OAF: variants seen among roughly 807,000 people sequenced by gnomAD.
OAF encodes the protein out at first homolog.
A neutral mutation model predicts 22.5 loss-of-function variants in OAF; 13 were observed. The ratio of observed to expected loss-of-function variants is 0.58; its 90% CI spans 0.38 to 0.92. The LOEUF (loss-of-function observed/expected upper bound fraction) is 0.92. OAF is among the 40% of genes least tolerant of loss of function. The probability of loss-of-function intolerance (pLI) is 0.00; values close to 1 mark genes in which losing one functional copy is unlikely to be tolerated. For synonymous variants in OAF, 175 were observed against 170.5 expected, an observed-to-expected ratio of 1.03 and a Z score of -0.21; for missense variants, 347 against 381.8, an observed-to-expected ratio of 0.91 and a Z score of 0.76.
intron 1 of OAF, among the ~76,000 whole-genome samples, chr11:120,219,205 G>A (rs1320530416): frequency 2.0e-5 from 3 of 152,040 alleles, no homozygotes; most frequent in Admixed American, 6.5e-5. Flanking sequence ...GGAGGAGACA[G>A]GCCCAGATGC....
chr11:120,226,157 G>C (rs1288804854), intron 2 of OAF, among the ~76,000 whole-genome samples: 1 of 152,214 alleles, frequency 6.6e-6, no homozygotes, highest in Non-Finnish European at 1.5e-5. Context: ...CAGGCTAGGG[G>C]CTTGGGCTCT....
Position 120,211,520 on chromosome 11 carries a change from C to T in OAF, c.231+10C>T. 7.0e-7 allele frequency: 1 copy of T among 1,437,182 alleles called. No individual in the cohort carries two copies. The highest frequency in any genetic ancestry group is 9.2e-7 in the Non-Finnish European group (1 of 1,086,176). The allele number at this position is 1,437,182 out of a possible 1,614,324, so 89.0% of individuals were successfully genotyped here. A position where few individuals can be genotyped will look rare whatever the true frequency, so the allele number is the denominator to read the frequency against. On this transcript the variant is annotated intron_variant, in intron 1 of 3. Transcript: ENST00000328965. ...CGCCGACTTCAAGAAGGTGAGGCGC[C>T]CTCACTCGCCGGGGTGGCACCTTCA...
In OAF at chr11:120,211,474, C is replaced by T; in HGVS notation, c.195C>T (p.Asp65=). 1 of 1,506,794 alleles carries T rather than the reference C, an allele frequency of 6.6e-7. No individual in the cohort carries two copies. Among genetic ancestry groups the T allele is most frequent in the Non-Finnish European group, 8.9e-7 (1 of 1,123,264 alleles). The allele number at this position is 1,506,794 out of a possible 1,614,324, so 93.3% of individuals were successfully genotyped here. ...TCAGCCTCGAGCTGCGCAAGCCCGA[C>T]GGCACCCTCGTCTCCTTCACCGCCG... The part of the protein sequence containing the change: ...DSISLELRKP[D]GTLVSFTADF... The change falls in exon 1 of 4, where the codon GAC becomes GAT. Residue 65 remains aspartate (D), a synonymous_variant. Coordinates refer to ENST00000328965, the MANE Select transcript of OAF (RefSeq NM_178507.4).
chr11:120,228,797 C>T lies in OAF; in HGVS notation c.548-71C>T, dbSNP rs563144098. The T allele has an allele frequency of 4.7e-5, 57 of 1,219,530 alleles. 1 individual carries two copies. The Middle Eastern group carries it at 8.4e-4, about 18-fold the overall frequency. The allele number at this position is 1,219,530 out of a possible 1,614,324, so 75.5% of individuals were successfully genotyped here. A position where few individuals can be genotyped will look rare whatever the true frequency, so the allele number is the denominator to read the frequency against. On this transcript the variant is annotated intron_variant, in intron 3 of 3. Transcript: ENST00000328965. ...GAGGAGACCAAGTGGGGAATGGCAG[C>T]GGCCTCTGACTAGGGGAGCTCCTTC...
intron 2 of OAF, 91 bp from the exon 3 acceptor site, chr11:120,226,725 A>G (rs1938361370): frequency 8.1e-7 from 1 of 1,231,374 alleles, no homozygotes; most frequent in Non-Finnish European, 1.1e-6. Flanking sequence ...AAAGGCAGTC[A>G]GCTTGGGCTC....
intron 1 of OAF, among the ~76,000 whole-genome samples, chr11:120,222,772 T>A (rs528513110): frequency 6.6e-6 from 1 of 151,320 alleles, no homozygotes; most frequent in Admixed American, 6.6e-5. Flanking sequence ...ATTAGCTGGG[T>A]GTGGTGGCCC....
chr11:120,218,697 ATGACC>A (rs1938242688), intron 1 of OAF, among the ~76,000 whole-genome samples: 1 of 152,172 alleles, frequency 6.6e-6, no homozygotes, highest in South Asian at 2.1e-4. Context: ...CCCTAGAGCG[ATGACC>A]TGCAGCCTGG....
chr11:120,226,565 C>T (rs1423113771), intron 2 of OAF, among the ~76,000 whole-genome samples: 1 of 152,262 alleles, frequency 6.6e-6, no homozygotes, highest in Admixed American at 6.5e-5. Flanking sequence ...CTCCATCAAG[C>T]CCCAGAGGTC....
rs973368286 is a variant in OAF, at chr11:120,230,193, C to T, written c.*1051C>T. 1 of 152,208 alleles carries T rather than the reference C, an allele frequency of 6.6e-6. No homozygotes were observed. The highest frequency in any genetic ancestry group is 1.5e-5 in the Non-Finnish European group (1 of 68,044). The allele number at this position is 152,208 out of a possible 1,614,324, so 9.4% of individuals were successfully genotyped here. A position where few individuals can be genotyped will look rare whatever the true frequency, so the allele number is the denominator to read the frequency against. On this transcript the variant is annotated 3_prime_UTR_variant, in exon 4 of 4. Transcript: ENST00000328965. The stretch of plus-strand genomic sequence containing the variant: ...TAGTAAGCCAGTCAGAAATAGCCAG[C>T]GCGAAGGCAAGAGATGGGGTGGAGA...
chr11:120,218,102 G>A (rs1673590283), intron 1 of OAF, among the ~76,000 whole-genome samples: 1 of 152,002 alleles, frequency 6.6e-6, no homozygotes, highest in South Asian at 2.1e-4. Flanking sequence ...TCAGGACAGT[G>A]GTGACCTTTG....
At chr11:120,213,970 G>A (rs892278290) in intron 1 of OAF, 2 of 152,214 alleles carry the variant, frequency 1.3e-5, no homozygotes, top group African/African-American at 4.8e-5. Flanking sequence ...ATTCAAGGAG[G>A]CTGAGGCAGG....
At chr11:120,217,121 G>A (rs966204233) in intron 1 of OAF, 1 of 152,262 alleles carries the variant, frequency 6.6e-6, no homozygotes, top group Non-Finnish European at 1.5e-5. Flanking sequence ...TGGTGCAGAG[G>A]AACAAATCCA....
rs765531749 is a variant in OAF, at chr11:120,229,145, T to G, written c.*3T>G. 40 of 1,607,024 alleles carry G rather than the reference T, an allele frequency of 2.5e-5. No individual in the cohort carries two copies. The highest frequency in any genetic ancestry group is 3.0e-5 in the Non-Finnish European group (35 of 1,175,252). On this transcript the variant is annotated 3_prime_UTR_variant, in exon 4 of 4. Transcript: ENST00000328965. The stretch of plus-strand genomic sequence containing the variant: ...ATGAGGATCCCTACCCAGGCTAGGG[T>G]GGGAGCAACCTGGCGGGTGGCTGCT...
At chr11:120,228,825 T>TTCCAA in intron 3 of OAF, 43 bp from the exon 4 acceptor site, 4 of 434,172 alleles carry the variant, frequency 9.2e-6, no homozygotes, top group Non-Finnish European at 1.9e-5. Flanking sequence ...GCTCCTTCCC[T>TTCCAA]CCCTCCCTCC....
At position 120,229,134 on chromosome 11, in the gene OAF, C is replaced by G. The variant is rs1851192780; in HGVS notation, c.814C>G (p.Pro272Ala). 1 of 1,611,498 alleles carries G rather than the reference C, an allele frequency of 6.2e-7. No individual in the cohort carries two copies. Among genetic ancestry groups the G allele is most frequent in the Admixed American group, 1.7e-5 (1 of 59,992 alleles). The part of the protein sequence containing the change: ...QLCLWDEDPY[P>A]G ...GTGTCTCTGGGATGAGGATCCCTACCCAGGCTAGGGTGGGAGCAACCTGGC... is the reference window on the plus strand; with the variant it reads ...GTGTCTCTGGGATGAGGATCCCTACGCAGGCTAGGGTGGGAGCAACCTGGC... The change falls in exon 4 of 4, where the codon CCA (proline) becomes GCA (alanine). Residue 272 changes from proline (P) to alanine (A), a missense_variant. Pro to Ala is a conservative substitution (Grantham distance 27, BLOSUM62 -1). Coordinates refer to ENST00000328965, the MANE Select transcript of OAF (RefSeq NM_178507.4).
At chr11:120,222,893 A>G (rs1303693300) in intron 1 of OAF, among the ~76,000 whole-genome samples, 1 of 148,308 alleles carries the variant, frequency 6.7e-6, no homozygotes, top group African/African-American at 2.5e-5. Flanking sequence ...CCCTGGTGAC[A>G]GAGTGAGACT....
At chr11:120,218,887 A>G (rs936988728) in intron 1 of OAF, among the ~76,000 whole-genome samples, 5 of 152,050 alleles carry the variant, frequency 3.3e-5, no homozygotes, top group African/African-American at 1.2e-4. Context: ...CCAGCTAGGG[A>G]CCGTGATGGG....
chr11:120,218,722 A>G (rs1376219428), intron 1 of OAF, among the ~76,000 whole-genome samples: 1 of 152,192 alleles, frequency 6.6e-6, no homozygotes, highest in Non-Finnish European at 1.5e-5. Context: ...GGCCATGACC[A>G]GCACTGGACA....
At chr11:120,224,498 G>A (rs921738234) in intron 1 of OAF, among the ~76,000 whole-genome samples, 2 of 152,184 alleles carry the variant, frequency 1.3e-5, no homozygotes, top group Admixed American at 6.5e-5. Flanking sequence ...TGCAGCTTCG[G>A]GGCGGAGCTG....
Sources: allele counts gnomAD v4.1 joint callset (sites outside exome capture counted in the v4.1 genomes callset), GRCh38; gene constraint gnomAD v4.1.1; transcripts MANE v1.5; gene names NCBI Gene and HGNC (gene_info 2026-07-23, HGNC 2026-07-21).